CADM2: variants seen among roughly 807,000 people sequenced by gnomAD.
CADM2 encodes immunoglobulin superfamily member 4D.
A neutral mutation model predicts 49.8 loss-of-function variants in CADM2; 12 were observed. The observed-to-expected ratio is 0.24, with a 90% CI of 0.15 to 0.39. CADM2 has a LOEUF of 0.39. CADM2 is among the 10% of genes least tolerant of loss of function. The pLI, the probability that CADM2 is intolerant of heterozygous loss-of-function variation, is 1.00. For missense variants in CADM2, 378 were observed against 492.3 expected (o/e 0.77, Z 2.20); for synonymous variants, 214 against 175.4 (o/e 1.22, Z -1.74).
intron 1 of CADM2, among the ~76,000 whole-genome samples, chr3:85,478,552 C>A (rs1318330138): frequency 6.6e-6 from 1 of 151,562 alleles, no homozygotes; most frequent in African/African-American, 2.4e-5. Flanking sequence ...AAAAACTGAC[C>A]AGAAAATAAA....
intron 1 of CADM2, among the ~76,000 whole-genome samples, chr3:85,483,892 C>T (rs1001369233): frequency 5.9e-5 from 9 of 151,406 alleles, no homozygotes; most frequent in Non-Finnish European, 1.0e-4. Flanking sequence ...CAATTTTTGT[C>T]TCAAAAAACT....
chr3:85,005,707 G>GT (rs902929325), intron 1 of CADM2, among the ~76,000 whole-genome samples: 150 of 150,954 alleles, frequency 9.9e-4, no homozygotes, highest in Admixed American at 3.5e-3. Context: ...AAAAAATACA[G>GT]TTTTTTTTTC....
chr3:85,438,838 A>C (rs2107537702), intron 1 of CADM2, among the ~76,000 whole-genome samples: 1 of 151,896 alleles, frequency 6.6e-6, no homozygotes, highest in South Asian at 2.1e-4. Flanking sequence ...ATACCTGGAT[A>C]ATATTTATTT....
At chr3:85,360,135 A>G in intron 1 of CADM2, among the ~76,000 whole-genome samples, 1 of 152,000 alleles carries the variant, frequency 6.6e-6, no homozygotes, top group Non-Finnish European at 1.5e-5. Context: ...TCTAGAATAC[A>G]AGAGACTTCA....
chr3:85,516,510 T>C (rs2060907069), intron 1 of CADM2, among the ~76,000 whole-genome samples: 1 of 152,118 alleles, frequency 6.6e-6, no homozygotes, highest in South Asian at 2.1e-4. Context: ...TTAAAACTAA[T>C]TGCTCAATAT....
intron 1 of CADM2, among the ~76,000 whole-genome samples, chr3:85,015,279 C>A (rs1472868401): frequency 6.6e-6 from 1 of 152,072 alleles, no homozygotes. Flanking sequence ...AAATCCATGG[C>A]ACTGGTGAAA....
At chr3:85,727,827 G>A (rs181653813) in intron 2 of CADM2, among the ~76,000 whole-genome samples, 8 of 152,134 alleles carry the variant, frequency 5.3e-5, no homozygotes, top group Admixed American at 2.0e-4. Context: ...GGATGGATAG[G>A]ATGTACATAG....
At chr3:85,159,421 T>C (rs752148720) in intron 1 of CADM2, among the ~76,000 whole-genome samples, 6 of 151,116 alleles carry the variant, frequency 4.0e-5, no homozygotes, top group Admixed American at 6.6e-5. Context: ...GGTTGTAGAC[T>C]GGTCCATGTA....
chr3:85,174,304 A>C (rs549156132), intron 1 of CADM2, among the ~76,000 whole-genome samples: 14 of 152,144 alleles, frequency 9.2e-5, no homozygotes, highest in Non-Finnish European at 2.1e-4. Flanking sequence ...AAAGCACATA[A>C]GAGTAGTTTA....
chr3:85,231,989 A>G (rs2042300916), intron 1 of CADM2, among the ~76,000 whole-genome samples: 2 of 152,022 alleles, frequency 1.3e-5, no homozygotes, highest in South Asian at 2.1e-4. Context: ...TGCTGGGATT[A>G]CAGACGTGAG....
intron 1 of CADM2, among the ~76,000 whole-genome samples, chr3:85,297,945 A>G (rs1418102481): frequency 1.3e-5 from 2 of 152,070 alleles, no homozygotes; most frequent in Non-Finnish European, 2.9e-5. Flanking sequence ...CCTTGAAAGG[A>G]AGAAATAAAA....
intron 1 of CADM2, among the ~76,000 whole-genome samples, chr3:84,999,939 C>G (rs1445197825): frequency 6.6e-6 from 1 of 152,024 alleles, no homozygotes; most frequent in Non-Finnish European, 1.5e-5. Context: ...ATCTTAGGGG[C>G]CAGCTAGTCC....
At chr3:85,122,029 T>G (rs1268940100) in intron 1 of CADM2, among the ~76,000 whole-genome samples, 4 of 152,142 alleles carry the variant, frequency 2.6e-5, no homozygotes. Flanking sequence ...CTCATCTTTT[T>G]TTTTTGTCAA....
chr3:85,494,340 C>T (rs905324195), intron 1 of CADM2, among the ~76,000 whole-genome samples: 30 of 152,176 alleles, frequency 2.0e-4, no homozygotes, highest in Non-Finnish European at 2.2e-4. Context: ...AATTCATTTG[C>T]TTTATGCCAA....
intron 1 of CADM2, among the ~76,000 whole-genome samples, chr3:85,653,734 G>A (rs2065121030): frequency 6.6e-6 from 1 of 152,094 alleles, no homozygotes; most frequent in Admixed American, 6.6e-5. Context: ...GGCGTATACG[G>A]CATCACCTAG....
intron 1 of CADM2, among the ~76,000 whole-genome samples, chr3:85,571,315 CT>C (rs1207829911): frequency 6.6e-6 from 1 of 151,942 alleles, no homozygotes; most frequent in Non-Finnish European, 1.5e-5. Flanking sequence ...CTCAAAATGG[CT>C]TTTTTTCCAG....
At chr3:85,366,573 A>T (rs2032801681) in intron 1 of CADM2, among the ~76,000 whole-genome samples, 1 of 152,178 alleles carries the variant, frequency 6.6e-6, no homozygotes, top group Non-Finnish European at 1.5e-5. Context: ...AAATTTAACC[A>T]CAGGGGAGAA....
At chr3:85,809,365 T>C (rs1039071299) in intron 3 of CADM2, among the ~76,000 whole-genome samples, 1 of 151,662 alleles carries the variant, frequency 6.6e-6, no homozygotes, top group Non-Finnish European at 1.5e-5. Context: ...TTGAGGCGGG[T>C]GGACCACTTG....
chr3:86,008,239 G>T (rs1363210576), intron 8 of CADM2, among the ~76,000 whole-genome samples: 1 of 152,064 alleles, frequency 6.6e-6, no homozygotes, highest in Non-Finnish European at 1.5e-5. Flanking sequence ...TGAAAGACAC[G>T]TGCAGCCTGT....
Sources: allele counts gnomAD v4.1 joint callset (sites outside exome capture counted in the v4.1 genomes callset), GRCh38; gene constraint gnomAD v4.1.1; transcripts MANE v1.5; gene names NCBI Gene and HGNC (gene_info 2026-07-23, HGNC 2026-07-21).